Variants in BTNL9 observed in about 807,000 individuals in gnomAD.
BTNL9 encodes butyrophilin like 9.
In BTNL9, 45 loss-of-function variants were observed where a neutral mutation model predicts 45.8. The ratio of observed to expected loss-of-function variants is 0.98; its 90% confidence interval spans 0.77 to 1.26. The LOEUF is 1.26. Ranked by LOEUF, BTNL9 falls within the 50% of genes most tolerant of loss-of-function variation. BTNL9 has a pLI of 0.00. For synonymous variants in BTNL9, 346 were observed against 330.8 expected, an observed-to-expected ratio of 1.05 and a Z score of -0.50; for missense variants, 784 against 729.7, an observed-to-expected ratio of 1.07 and a Z score of -0.86.
At chr5:181,054,333 C>G in intron 7 of BTNL9, 74 bp downstream of exon 7, 1 of 1,589,302 alleles carries the variant, frequency 6.3e-7, no homozygotes, top group Non-Finnish European at 8.5e-7. Flanking sequence ...AGGAGGGGCT[C>G]CCTTTGGACA....
intron 7 of BTNL9, 147 bp downstream of exon 7, chr5:181,054,406 G>A (rs887018934): frequency 6.0e-6 from 9 of 1,494,334 alleles, no homozygotes; most frequent in Non-Finnish European, 8.0e-6. Flanking sequence ...CCTTGCTAAG[G>A]GGCTGAAAGG....
chr5:181,045,047 T>G (rs1761018801), intron 1 of BTNL9, among the ~76,000 whole-genome samples: 1 of 152,084 alleles, frequency 6.6e-6, no homozygotes, highest in Non-Finnish European at 1.5e-5. Flanking sequence ...GTTGGGTTGG[T>G]GGTGGTGAGG....
At position 181,042,115 on chromosome 5, in the gene BTNL9, A is replaced by T. The variant is rs140174153; in HGVS notation, c.-24+1683A>T. ...GGCAATGAGAGAGCAAGAAGAAAAG[A>T]AAAATAAAAAGAGAAGGAGAAGAAA... On this transcript the variant is annotated intron_variant, in intron 1 of 10. Coordinates refer to ENST00000327705, the MANE Select transcript of BTNL9 (RefSeq NM_152547.5). This position sits in a 1 kb window ranked among gnomAD's most constrained non-coding sequence, Gnocchi z 4.5. 2.6e-5 allele frequency among the ~76,000 whole-genome samples: 4 copies of T among 152,210 alleles called. No individual in the cohort carries two copies. Among genetic ancestry groups the T allele is most frequent in the African/African-American group, 9.7e-5 (4 of 41,444 alleles).
intron 9 of BTNL9, chr5:181,057,177 T>C (rs1761928677): frequency 6.6e-6 from 1 of 152,214 alleles, no homozygotes; most frequent in Non-Finnish European, 1.5e-5. Context: ...CAACTTTTTC[T>C]TTATGGTTTG....
Position 181,054,275 on chromosome 5 carries a change from G to A in BTNL9, c.907+16G>A. The A allele has an allele frequency of 6.2e-7, 1 of 1,610,626 alleles. No individual in the cohort carries two copies. Among genetic ancestry groups the A allele is most frequent in the Non-Finnish European group, 8.5e-7 (1 of 1,179,716 alleles). On this transcript the variant is annotated intron_variant, in intron 7 of 10. Transcript: ENST00000327705. ...GCAGAGCTGGGTAAGTTCTGGGTGCGGGGCCACAGTGCTGCCTGTCAGCCG... is the reference window on the plus strand; with the variant it reads ...GCAGAGCTGGGTAAGTTCTGGGTGCAGGGCCACAGTGCTGCCTGTCAGCCG...
intron 1 of BTNL9, among the ~76,000 whole-genome samples, chr5:181,043,058 C>T (rs536007847): frequency 2.6e-5 from 4 of 151,990 alleles, no homozygotes; most frequent in African/African-American, 7.3e-5. Flanking sequence ...CCTGGGCCTC[C>T]GTTTCCTTAT....
rs1382728953 is a variant in BTNL9, at chr5:181,047,863, G to A, written c.110-64G>A. On this transcript the variant is annotated intron_variant, in intron 2 of 10. Coordinates refer to ENST00000327705, the MANE Select transcript of BTNL9 (RefSeq NM_152547.5). The stretch of plus-strand genomic sequence containing the variant: ...CTGTAGATTCCTCAGCTATAAAGGG[G>A]TGTGATAACTTTTTTAAAAATTGGA... 2.9e-6 allele frequency: 4 copies of A among 1,356,914 alleles called. No individual in the cohort carries two copies. In the Admixed American group the frequency reaches 7.8e-5, roughly 27 times the overall value. 84.1% of individuals were successfully genotyped at this position (1,356,914 alleles called of 1,614,324 possible).
intron 2 of BTNL9, among the ~76,000 whole-genome samples, chr5:181,047,279 A>T (rs939816908): frequency 2.0e-5 from 3 of 152,158 alleles, no homozygotes; most frequent in Non-Finnish European, 4.4e-5. Flanking sequence ...GTCAAAGAGG[A>T]GGGTGATCAA....
chr5:181,045,556 C>A lies in BTNL9; in HGVS notation c.67C>A (p.Leu23Ile). 6.2e-7 allele frequency: 1 copy of A among 1,612,802 alleles called. No individual in the cohort carries two copies. Among genetic ancestry groups the A allele is most frequent in the South Asian group, 1.1e-5 (1 of 91,078 alleles). Reference protein sequence around the residue: ...PVSLTSSLVFLMHLLLLQPGE... With the variant: ...PVSLTSSLVFIMHLLLLQPGE... ...ATCGCTGACCAGCAGTCTTGTCTTC[C>A]TCATGCACCTCCTCCTCCTTCAGCC... Residue 23 changes from leucine (L) to isoleucine (I), a missense_variant, in exon 2 of 11, where the codon CTC (leucine) becomes ATC (isoleucine). Coordinates refer to ENST00000327705, the MANE Select transcript of BTNL9 (RefSeq NM_152547.5).
At chr5:181,051,126 G>A (rs1157564324) in intron 4 of BTNL9, among the ~76,000 whole-genome samples, 8 of 151,184 alleles carry the variant, frequency 5.3e-5, no homozygotes, top group Admixed American at 1.3e-4. Flanking sequence ...GGTAGGTGCC[G>A]TAGAGAAAAA....
Position 181,059,688 on chromosome 5 carries a change from C to G in BTNL9, c.1434C>G (p.Phe478Leu). 6.2e-7 allele frequency: 1 copy of G among 1,613,686 alleles called. No homozygotes were observed. The highest frequency in any genetic ancestry group is 8.5e-7 in the Non-Finnish European group (1 of 1,179,960). The change falls in exon 11 of 11, where the codon TTC (phenylalanine) becomes TTG (leucine). Residue 478 changes from phenylalanine (F) to leucine (L), a missense_variant. Physicochemically the swap from Phe to Leu is conservative, Grantham distance 22. Coordinates refer to ENST00000327705, the MANE Select transcript of BTNL9 (RefSeq NM_152547.5). The stretch of plus-strand genomic sequence containing the variant: ...ACATCTTCACCTTCCACGACACCTT[C>G]TCGGGCGCGCTCTGTGCGTACTTCA... Reference protein sequence around the residue: ...GSHIFTFHDTFSGALCAYFRP... With the variant: ...GSHIFTFHDTLSGALCAYFRP...
rs770185561 is a variant in BTNL9 at position 181,045,604 on chromosome 5, G to A, written c.109+6G>A. 6.2e-7 allele frequency: 1 copy of A among 1,604,540 alleles called. No individual in the cohort carries two copies. The highest frequency in any genetic ancestry group is 1.7e-5 in the Admixed American group (1 of 59,934). On this transcript the variant is annotated splice_donor_region_variant and intron_variant, in intron 2 of 10. Coordinates refer to ENST00000327705, the MANE Select transcript of BTNL9 (RefSeq NM_152547.5). ...GCCTGGGGAGCCGAGCTCAGGTATT[G>A]TGTCTGCAGCCTAGCTGGCCAGGAT...
chr5:181,058,814 T>TAAAAA (rs200022713), intron 10 of BTNL9, among the ~76,000 whole-genome samples: 25 of 134,946 alleles, frequency 1.9e-4, no homozygotes, highest in Non-Finnish European at 3.6e-4. Flanking sequence ...GGACTGTATG[T>TAAAAA]AAAAAAAAAA....
rs2113229812 is a variant in BTNL9, at chr5:181,053,798, C to T, written c.886+297C>T. The T allele has an allele frequency of 3.3e-6, 5 of 1,522,618 alleles. No homozygotes were observed. The South Asian group carries it at 3.6e-5, about 11-fold the overall frequency. The allele number at this position is 1,522,618 out of a possible 1,614,324, so 94.3% of individuals were successfully genotyped here. On this transcript the variant is annotated intron_variant, in intron 6 of 10. Transcript: ENST00000327705. This position sits in a 1 kb window ranked among gnomAD's most constrained non-coding sequence, Gnocchi z 6.5. ...TCACACTGTACAGAGGGAGCGGTGA[C>T]CAGGGTCTCTGCTGCCAGCGCCACC...
intron 1 of BTNL9, among the ~76,000 whole-genome samples, chr5:181,044,264 A>T (rs1008775761): frequency 1.3e-5 from 2 of 152,022 alleles, no homozygotes; most frequent in Non-Finnish European, 2.9e-5. Context: ...ACACCTGCTG[A>T]TGGTGTTGCT....
chr5:181,059,785 G>C lies in BTNL9; in HGVS notation c.1531G>C (p.Gly511Arg), dbSNP rs10068763. Residue 511 changes from glycine to arginine, a missense_variant, in exon 11 of 11, where the codon GGC becomes CGC. By Grantham distance (125) the Gly-to-Arg change is moderately radical (BLOSUM62 -2). Coordinates refer to ENST00000327705, the MANE Select transcript of BTNL9 (RefSeq NM_152547.5). Reference sequence around the variant, plus strand: ...CTGCCCGCTGCCGGTTAGAGGGACGGGCGTCCCCGAAGAGAACGACAGTGA... The same window carrying C: ...CTGCCCGCTGCCGGTTAGAGGGACGCGCGTCCCCGAAGAGAACGACAGTGA... ...TICPLPVRGT[G>R]VPEENDSDTW... is the part of the protein sequence containing the mutation. 1,084,940 of 1,605,988 alleles carry C rather than the reference G, an allele frequency of 0.68. 370,385 individuals are homozygous for C. Among genetic ancestry groups the C allele is most frequent in the African/African-American group, 0.88 (65,741 of 74,968 alleles).
At chr5:181,049,422 T>C (rs1761412934) in intron 3 of BTNL9, among the ~76,000 whole-genome samples, 1 of 152,176 alleles carries the variant, frequency 6.6e-6, no homozygotes, top group Non-Finnish European at 1.5e-5. Context: ...TGCAGAGTGA[T>C]TTCTAGTATT....
rs1443681055 is a variant in BTNL9 at position 181,059,542 on chromosome 5, T to A, written c.1288T>A (p.Tyr430Asn). Residue 430 changes from tyrosine to asparagine, a missense_variant, in exon 11 of 11, where the codon TAC becomes AAC. Coordinates refer to ENST00000327705, the MANE Select transcript of BTNL9 (RefSeq NM_152547.5). Reference sequence around the variant, plus strand: ...GCTGGGGCTGTGGAACGGCTGCGAGTACTTCGTCCTGGCCCCGCACCGCGT... The same window carrying A: ...GCTGGGGCTGTGGAACGGCTGCGAGAACTTCGTCCTGGCCCCGCACCGCGT... ...WVLGLWNGCEYFVLAPHRVAL... is the reference protein window; with the variant it reads ...WVLGLWNGCENFVLAPHRVAL... 6.2e-7 allele frequency: 1 copy of A among 1,609,006 alleles called. No individual in the cohort carries two copies. Among genetic ancestry groups the A allele is most frequent in the Non-Finnish European group, 8.5e-7 (1 of 1,179,032 alleles).
chr5:181,049,145 G>T (rs1442955372), intron 3 of BTNL9, among the ~76,000 whole-genome samples: 1 of 151,808 alleles, frequency 6.6e-6, no homozygotes, highest in East Asian at 1.9e-4. Context: ...CCCGGACAGG[G>T]AAATTTGGTA....
Sources: allele counts gnomAD v4.1 joint callset (sites outside exome capture counted in the v4.1 genomes callset), GRCh38; gene constraint gnomAD v4.1.1; non-coding constraint Gnocchi (gnomAD v3.1); transcripts MANE v1.5; gene names NCBI Gene and HGNC (gene_info 2026-07-23, HGNC 2026-07-21).